HSDL2: variants seen among roughly 807,000 people sequenced by gnomAD.
The protein encoded by HSDL2 is hydroxysteroid dehydrogenase-like protein 2.
HSDL2 carries 27 observed loss-of-function variants against 46.3 expected under a neutral mutation model. The observed-to-expected ratio is 0.58, with a 90% CI of 0.43 to 0.80. HSDL2 has a LOEUF of 0.80. HSDL2 is among the 30% of genes least tolerant of loss of function. The pLI, the probability that HSDL2 is intolerant of heterozygous loss-of-function variation, is 0.00. For synonymous variants in HSDL2, 153 were observed against 163.6 expected (o/e 0.94, Z 0.50); for missense variants, 451 against 502.7 (o/e 0.90, Z 0.98).
At chr9:112,462,881 A>G (rs1436075034) in intron 10 of HSDL2, among the ~76,000 whole-genome samples, 1 of 152,064 alleles carries the variant, frequency 6.6e-6, no homozygotes. Context: ...CCAAATACTA[A>G]TTTGCTCTCT....
At chr9:112,382,609 T>C (rs10981377) in intron 1 of HSDL2, among the ~76,000 whole-genome samples, 89,803 of 152,056 alleles carry the variant, frequency 0.59, 27,015 homozygotes, top group Non-Finnish European at 0.64. Flanking sequence ...ACAGGGATGC[T>C]GGTGCACATC....
chr9:112,443,605 C>T (rs1318898958), intron 8 of HSDL2, among the ~76,000 whole-genome samples: 1 of 152,172 alleles, frequency 6.6e-6, no homozygotes, highest in Admixed American at 6.5e-5. Context: ...TGGCACATGC[C>T]TGTAGTCTCA....
Position 112,391,003 on chromosome 9 carries a change from C to G in HSDL2, c.17+10823C>G, listed in dbSNP as rs1310310709. The stretch of plus-strand genomic sequence containing the variant: ...CCAGCCTGGCCAACATGGTGAAACC[C>G]TGTCTCTACTAAAAATACAAAAATT... On this transcript the variant is annotated intron_variant, in intron 1 of 10. Coordinates refer to ENST00000398805, the MANE Select transcript of HSDL2 (RefSeq NM_032303.5). 2.0e-5 allele frequency among the ~76,000 whole-genome samples: 3 copies of G among 152,002 alleles called. No homozygotes were observed. In the East Asian group the frequency reaches 5.8e-4, roughly 30 times the overall value.
intron 10 of HSDL2, chr9:112,469,662 G>A (rs1366058446): frequency 3.3e-5 from 3 of 91,550 alleles, no homozygotes; most frequent in African/African-American, 9.2e-5. Flanking sequence ...GTGAGACCTT[G>A]TCTCAAAAAA....
intron 8 of HSDL2, 86 bp from the exon 9 acceptor site, chr9:112,453,927 C>A: frequency 1.6e-6 from 2 of 1,267,308 alleles, no homozygotes; most frequent in Non-Finnish European, 2.1e-6. Context: ...TAATTGGTGG[C>A]AAGTCTGTCC....
intron 6 of HSDL2, among the ~76,000 whole-genome samples, chr9:112,436,314 C>G (rs548692029): frequency 4.7e-5 from 7 of 149,556 alleles, no homozygotes; most frequent in African/African-American, 1.7e-4. Context: ...AAAGTGTCTT[C>G]TAACTCAGTG....
intron 6 of HSDL2, among the ~76,000 whole-genome samples, chr9:112,419,397 G>C (rs1832069060): frequency 6.6e-6 from 1 of 152,138 alleles, no homozygotes; most frequent in Non-Finnish European, 1.5e-5. Context: ...TGGGAAACAA[G>C]TTCAACTTTT....
Position 112,438,865 on chromosome 9 carries a change from AAGTC to A in HSDL2, c.793+243_793+246del, listed in dbSNP as rs1420581809. 9 of 263,514 alleles carry A rather than the reference AAGTC, an allele frequency of 3.4e-5. No individual in the cohort carries two copies. In the South Asian group the frequency reaches 8.6e-4, roughly 25 times the overall value. The allele number at this position is 263,514 out of a possible 1,614,324, so 16.3% of individuals were successfully genotyped here. ...ATATATATATATATATAAGCACAGA[AAGTC>A]AGATCAGTTACTAGCCACTTCTAAA... is the stretch of plus-strand genomic sequence containing the variant. On this transcript the variant is annotated intron_variant, in intron 7 of 10. Coordinates refer to ENST00000398805, the MANE Select transcript of HSDL2 (RefSeq NM_032303.5).
intron 7 of HSDL2, among the ~76,000 whole-genome samples, chr9:112,439,770 C>G (rs75854048): frequency 0.027 from 4,186 of 152,286 alleles, 108 homozygotes; most frequent in Admixed American, 0.069. Context: ...GAAAGTAATG[C>G]TTAGTGATTA....
chr9:112,401,438 T>A (rs1831590269), intron 1 of HSDL2, among the ~76,000 whole-genome samples: 3 of 67,718 alleles, frequency 4.4e-5, no homozygotes, highest in South Asian at 6.3e-4. Context: ...CAAGAACCGC[T>A]CTCAAAAAAA....
At chr9:112,399,356 A>T (rs1831535724) in intron 1 of HSDL2, among the ~76,000 whole-genome samples, 1 of 152,194 alleles carries the variant, frequency 6.6e-6, no homozygotes, top group African/African-American at 2.4e-5. Flanking sequence ...CAGAACTACT[A>T]ATAAGGGTCT....
chr9:112,422,093 C>T (rs1228321878), intron 6 of HSDL2, among the ~76,000 whole-genome samples: 3 of 152,092 alleles, frequency 2.0e-5, no homozygotes, highest in African/African-American at 7.2e-5. Context: ...ACCTCAGAGA[C>T]TTCTTCAAGT....
chr9:112,430,427 C>A (rs1336236832), intron 6 of HSDL2, among the ~76,000 whole-genome samples: 1 of 152,094 alleles, frequency 6.6e-6, no homozygotes, highest in African/African-American at 2.4e-5. Context: ...ATGTTATAGG[C>A]CCTTGCCAAG....
At chr9:112,447,079 A>G (rs1832773738) in intron 8 of HSDL2, among the ~76,000 whole-genome samples, 1 of 152,210 alleles carries the variant, frequency 6.6e-6, no homozygotes. Flanking sequence ...TAGATTGTGT[A>G]TCAGTCTAGG....
chr9:112,466,930 T>A (rs1188376085), intron 10 of HSDL2, among the ~76,000 whole-genome samples: 2 of 152,234 alleles, frequency 1.3e-5, no homozygotes, highest in African/African-American at 2.4e-5. Flanking sequence ...AATAGACTGT[T>A]CTTTCCTGTG....
intron 6 of HSDL2, among the ~76,000 whole-genome samples, chr9:112,428,686 G>C (rs1317313986): frequency 6.6e-6 from 1 of 152,084 alleles, no homozygotes; most frequent in Non-Finnish European, 1.5e-5. Context: ...CTTATTATGG[G>C]TCACAGCCAA....
chr9:112,426,636 A>G (rs914050956), intron 6 of HSDL2, among the ~76,000 whole-genome samples: 1 of 152,162 alleles, frequency 6.6e-6, no homozygotes, highest in African/African-American at 2.4e-5. Context: ...CAACTGGGAG[A>G]AAGAAAAATC....
intron 1 of HSDL2, among the ~76,000 whole-genome samples, chr9:112,383,753 G>T (rs1831157554): frequency 6.6e-6 from 1 of 152,198 alleles, no homozygotes; most frequent in Admixed American, 6.5e-5. Flanking sequence ...CCAGGCTGGG[G>T]TGCATTGGCA....
intron 10 of HSDL2, among the ~76,000 whole-genome samples, chr9:112,466,000 A>C (rs3911028): frequency 0.96 from 145,496 of 152,316 alleles, 69,554 homozygotes; most frequent in African/African-American, 0.98. Context: ...TACATTCCCA[A>C]CGGCAATGTA....
Sources: gnomAD v4.1 joint callset for allele counts (sites outside exome capture counted in the v4.1 genomes callset) on GRCh38, gnomAD v4.1.1 for gene constraint, MANE v1.5 for transcripts, NCBI Gene and HGNC (gene_info 2026-07-23, HGNC 2026-07-21) for gene names.